The following SPATA1 variants were observed in gnomAD, a reference collection of about 807,000 sequenced individuals.
SPATA1 encodes spermatogenesis-associated protein 1.
Under a neutral mutation model 59.6 loss-of-function variants are expected in SPATA1, and 57 were observed. That is an observed-to-expected ratio of 0.96 (90% CI 0.77 to 1.19). The LOEUF (loss-of-function observed/expected upper bound fraction) is 1.19, where lower values mean the gene tolerates loss of function less well. Among genes scored for constraint, SPATA1 ranks in the 50% most tolerant of loss-of-function variants. The pLI is 0.00. For missense variants in SPATA1, 448 were observed against 480.7 expected (o/e 0.93, Z 0.64); for synonymous variants, 147 against 163.9 (o/e 0.90, Z 0.79).
intron 1 of SPATA1, among the ~76,000 whole-genome samples, chr1:84,515,567 T>C (rs900134694): frequency 4.6e-5 from 7 of 152,184 alleles, no homozygotes; most frequent in Non-Finnish European, 7.4e-5. Context: ...AGAATTATCC[T>C]GCTTTGATAA....
At position 84,516,296 on chromosome 1, in the gene SPATA1, G is replaced by C; in HGVS notation, c.-64G>C. The C allele has an allele frequency of 7.1e-7, 1 of 1,409,766 alleles. No homozygotes were observed. The highest frequency in any genetic ancestry group is 2.7e-5 in the East Asian group (1 of 36,810). The allele number at this position is 1,409,766 out of a possible 1,614,324, so 87.3% of individuals were successfully genotyped here. ...AATTTTTATTTAGTACTACTTAAAT[G>C]AAGAAAGATAAAAAAAGAAACAAAA... On this transcript the variant is annotated 5_prime_UTR_variant, in exon 2 of 13. The change abolishes an upstream ATG in the 5' untranslated region. Transcript: ENST00000490879.
At chr1:84,563,106 GATT>G (rs1684625303) in intron 4 of SPATA1, 1 of 467,358 alleles carries the variant, frequency 2.1e-6, no homozygotes, top group African/African-American at 2.0e-5. Context: ...CCTGATTACA[GATT>G]CAAAGACAAG....
In SPATA1 at chr1:84,511,675, CTTTCTTTTTTTT is replaced by C. The variant is rs1682561773; in HGVS notation, c.-137-4544_-137-4533del. ...TCAGGCTTTTTTTTTTTTTTTCTTT[CTTTCTTTTTTTT>C]TTTTTTTTTTTGAGACAGAGTTTTG... is the stretch of plus-strand genomic sequence containing the variant. On this transcript the variant is annotated intron_variant, in intron 1 of 12. Coordinates refer to ENST00000490879, the Ensembl canonical transcript of SPATA1. Among the ~76,000 whole-genome samples, 62 of 71,052 alleles carry C rather than the reference CTTTCTTTTTTTT, an allele frequency of 8.7e-4. 1 individual carries two copies. Among genetic ancestry groups the C allele is most frequent in the Non-Finnish European group, 1.6e-3 (59 of 35,798 alleles). 46.6% of individuals were successfully genotyped at this position (71,052 alleles called of 152,430 possible).
At position 84,530,913 on chromosome 1, in the gene SPATA1, CTTAT is replaced by C. The variant is rs376801706; in HGVS notation, c.545-1944_545-1941del. The stretch of plus-strand genomic sequence containing the variant: ...TCTTTGCTTAAATTCCTCCTACTCC[CTTAT>C]TTGTCACCAAACAGCTCATAGTTCA... On this transcript the variant is annotated intron_variant, in intron 6 of 12. Coordinates refer to ENST00000490879, the Ensembl canonical transcript of SPATA1. 1.1e-4 allele frequency among the ~76,000 whole-genome samples: 17 copies of C among 152,316 alleles called. No individual in the cohort carries two copies. The East Asian group carries it at 1.5e-3, about 14-fold the overall frequency.
At chr1:84,523,650 A>T (rs1287936261) in intron 4 of SPATA1, among the ~76,000 whole-genome samples, 1 of 152,188 alleles carries the variant, frequency 6.6e-6, no homozygotes, top group African/African-American at 2.4e-5. Context: ...CCAAAGTACT[A>T]CTATAATTTG....
chr1:84,528,554 G>A (rs1021605645), intron 6 of SPATA1, among the ~76,000 whole-genome samples: 1 of 152,022 alleles, frequency 6.6e-6, no homozygotes, highest in Admixed American at 6.6e-5. Flanking sequence ...TATTTTCATT[G>A]TTGTGCTATT....
intron 1 of SPATA1, chr1:84,506,933 C>G (rs1421748034): frequency 2.6e-5 from 4 of 152,164 alleles, no homozygotes; most frequent in Non-Finnish European, 4.4e-5. Flanking sequence ...GCTCGGTTAC[C>G]CATTTACTCT....
intron 4 of SPATA1, among the ~76,000 whole-genome samples, chr1:84,562,207 A>G (rs543382708): frequency 2.6e-5 from 4 of 152,276 alleles, no homozygotes; most frequent in Admixed American, 2.6e-4. Context: ...TGTTTTTCTA[A>G]ATATATTTGG....
Position 84,522,473 on chromosome 1 carries a change from T to A in SPATA1, c.227T>A (p.Leu76Ter). ...GAAGATGCTATTGCAGAAAAATTTT[T>A]ATTTCTGAAATGCATTGGAAATAAT... is the stretch of plus-strand genomic sequence containing the variant. Residue 76 changes from leucine (L) to a stop codon, truncating the protein, a stop_gained, in exon 4 of 13, where the codon TTA becomes TAA. Transcript: ENST00000490879. LOFTEE classifies it high-confidence loss of function. The A allele has an allele frequency of 1.3e-6, 2 of 1,548,380 alleles. No homozygotes were observed. Among genetic ancestry groups the A allele is most frequent in the Non-Finnish European group, 1.7e-6 (2 of 1,144,794 alleles).
chr1:84,534,671 C>G (rs1034674276), intron 8 of SPATA1, among the ~76,000 whole-genome samples: 1 of 152,064 alleles, frequency 6.6e-6, no homozygotes, highest in Admixed American at 6.5e-5. Flanking sequence ...TTTACTGAGC[C>G]AATCACTATT....
At chr1:84,551,499 T>C (rs970153721) in intron 12 of SPATA1, 5 of 162,866 alleles carry the variant, frequency 3.1e-5, no homozygotes, top group Admixed American at 1.3e-4. Context: ...TATTGAGCAC[T>C]TGAAATGTAG....
chr1:84,511,861 A>G (rs1682579346), intron 1 of SPATA1, among the ~76,000 whole-genome samples: 2 of 151,666 alleles, frequency 1.3e-5, no homozygotes, highest in South Asian at 4.2e-4. Context: ...TTGTATTTTT[A>G]TCAGAGGTGG....
At chr1:84,543,700 A>G (rs960900378) in intron 8 of SPATA1, among the ~76,000 whole-genome samples, 1 of 152,190 alleles carries the variant, frequency 6.6e-6, no homozygotes, top group East Asian at 1.9e-4. Context: ...ACAGATCCAA[A>G]TCATATCAGG....
At chr1:84,565,590 G>A (rs1363958727) in intron 4 of SPATA1, among the ~76,000 whole-genome samples, 3 of 152,130 alleles carry the variant, frequency 2.0e-5, no homozygotes, top group Non-Finnish European at 4.4e-5. Context: ...ATCATGAGCA[G>A]TTAATTCTTT....
At chr1:84,567,223 A>T (rs892361616), downstream of SPATA1, among the ~76,000 whole-genome samples, 9 of 152,344 alleles carry the variant, frequency 5.9e-5, no homozygotes, top group South Asian at 1.9e-3. Context: ...CTTTATAATT[A>T]TAAGCTTTGC....
intron 6 of SPATA1, chr1:84,527,590 T>C (rs903085029): frequency 2.0e-5 from 3 of 152,056 alleles, no homozygotes; most frequent in African/African-American, 7.2e-5. Context: ...ACATACAGAC[T>C]CTTAAAGCCT....
intron 2 of SPATA1, among the ~76,000 whole-genome samples, chr1:84,517,334 G>A (rs560671623): frequency 1.3e-5 from 2 of 151,898 alleles, no homozygotes; most frequent in East Asian, 1.9e-4. Context: ...CTCTACCTGC[G>A]CTCATTCCTT....
intron 10 of SPATA1, among the ~76,000 whole-genome samples, chr1:84,547,709 C>T (rs1258146668): frequency 6.6e-6 from 1 of 151,958 alleles, no homozygotes; most frequent in African/African-American, 2.4e-5. Flanking sequence ...GCATTAAGGG[C>T]CTGAAATACG....
chr1:84,532,772 A>G, intron 6 of SPATA1, 88 bp from the exon 7 acceptor site: 3 of 802,318 alleles, frequency 3.7e-6, no homozygotes. Context: ...CGATAAGATT[A>G]TAGTGTACAT....
Sources: gnomAD v4.1 joint callset for allele counts (sites outside exome capture counted in the v4.1 genomes callset) on GRCh38, gnomAD v4.1.1 for gene constraint, MANE v1.5 for transcripts, NCBI Gene and HGNC (gene_info 2026-07-23, HGNC 2026-07-21) for gene names.